The following TP63 variants were observed in gnomAD, a reference collection of about 807,000 sequenced individuals.
TP63 encodes the protein tumor protein p63, also known as tumor protein 63.
Under a neutral mutation model 82.8 loss-of-function variants are expected in TP63, and 17 were observed. That is an observed-to-expected ratio of 0.21 (90% confidence interval 0.14 to 0.31). The LOEUF (loss-of-function observed/expected upper bound fraction) is 0.31, where lower values mean the gene tolerates loss of function less well. Ranked by LOEUF, TP63 falls within the 10% of genes least tolerant of loss-of-function variation. The pLI is 1.00. For synonymous variants in TP63, 330 were observed against 321.7 expected (o/e 1.03, Z -0.28); for missense variants, 648 against 895.3 (o/e 0.72, Z 3.52).
At chr3:189,861,130 A>C (rs1419031788) in intron 4 of TP63, among the ~76,000 whole-genome samples, 1 of 148,038 alleles carries the variant, frequency 6.8e-6, no homozygotes, top group Non-Finnish European at 1.5e-5. Context: ...TTGGCCAGGC[A>C]TGTCTTGAGC....
intron 4 of TP63, among the ~76,000 whole-genome samples, chr3:189,841,156 T>A (rs1193904143): frequency 6.6e-6 from 1 of 152,154 alleles, no homozygotes; most frequent in Non-Finnish European, 1.5e-5. Context: ...GTACATATAG[T>A]ATGTGCCTTA....
chr3:189,708,055 T>G (rs1486653965), intron 1 of TP63, among the ~76,000 whole-genome samples: 2 of 152,228 alleles, frequency 1.3e-5, no homozygotes, highest in African/African-American at 2.4e-5. Flanking sequence ...CAGAGTCATC[T>G]ATGTTTTTTT....
intron 3 of TP63, among the ~76,000 whole-genome samples, chr3:189,771,404 G>A (rs1444191388): frequency 4.6e-5 from 6 of 131,534 alleles, no homozygotes; most frequent in Non-Finnish European, 7.9e-5. Flanking sequence ...AAATATATAA[G>A]TATATTAAAT....
At chr3:189,682,807 C>T (rs12489218) in intron 1 of TP63, among the ~76,000 whole-genome samples, 27,923 of 151,544 alleles carry the variant, frequency 0.18, 3,247 homozygotes, top group Non-Finnish European at 0.26. Context: ...CCTCATTGAC[C>T]CCAAACCATA....
At chr3:189,657,908 A>C (rs974757560) in intron 1 of TP63, among the ~76,000 whole-genome samples, 1 of 152,070 alleles carries the variant, frequency 6.6e-6, no homozygotes, top group Non-Finnish European at 1.5e-5. Flanking sequence ...ACTGGTACAG[A>C]AGCAAGGACA....
chr3:189,729,636 G>A (rs1720016689), intron 1 of TP63, among the ~76,000 whole-genome samples: 1 of 152,076 alleles, frequency 6.6e-6, no homozygotes, highest in Admixed American at 6.6e-5. Flanking sequence ...TTGAAGTTGT[G>A]TTTTCTGAGA....
chr3:189,824,526 C>T (rs1667479343), intron 4 of TP63, among the ~76,000 whole-genome samples: 1 of 152,142 alleles, frequency 6.6e-6, no homozygotes, highest in Admixed American at 6.5e-5. Context: ...AGCCACCGTG[C>T]CTAGCCTGGA....
chr3:189,826,723 T>C (rs1195727019), intron 4 of TP63, among the ~76,000 whole-genome samples: 1 of 152,172 alleles, frequency 6.6e-6, no homozygotes, highest in African/African-American at 2.4e-5. Context: ...AGAGGACGCA[T>C]AGCATGAGTC....
chr3:189,799,833 A>G (rs1460484282), intron 3 of TP63, among the ~76,000 whole-genome samples: 1 of 152,202 alleles, frequency 6.6e-6, no homozygotes, highest in Admixed American at 6.5e-5. Flanking sequence ...CAGTTGTATT[A>G]GAATAAAAGA....
chr3:189,630,972 A>G (rs147179109), upstream of TP63, among the ~76,000 whole-genome samples: 14 of 152,312 alleles, frequency 9.2e-5, no homozygotes, highest in South Asian at 6.2e-4. Context: ...AAGCAGCTCT[A>G]CAAAACATTT....
chr3:189,858,921 CAT>C (rs1716651872), intron 4 of TP63, among the ~76,000 whole-genome samples: 1 of 151,984 alleles, frequency 6.6e-6, no homozygotes, highest in Admixed American at 6.6e-5. Context: ...ATGTTAATCT[CAT>C]AGAAGTTGAG....
At chr3:189,894,105 TC>T in intron 13 of TP63, 100 bp from the exon 14 acceptor site, 1 of 1,424,206 alleles carries the variant, frequency 7.0e-7, no homozygotes. Context: ...TAGATTCAGA[TC>T]AATTAAACCA....
At chr3:189,869,457 T>C (rs2108810155) in intron 9 of TP63, 51 bp downstream of exon 9, 1 of 1,498,864 alleles carries the variant, frequency 6.7e-7, no homozygotes, top group Non-Finnish European at 9.3e-7. Context: ...CTTCTTTGAA[T>C]GGGCTTTTAC....
At chr3:189,633,759 C>T (rs1577147571) in intron 1 of TP63, among the ~76,000 whole-genome samples, 1 of 152,036 alleles carries the variant, frequency 6.6e-6, no homozygotes, top group South Asian at 2.1e-4. Context: ...ATGTACTTCT[C>T]ATTTGTAATG....
chr3:189,755,850 T>C (rs75624711), intron 3 of TP63, among the ~76,000 whole-genome samples: 119 of 152,294 alleles, frequency 7.8e-4, no homozygotes, highest in Non-Finnish European at 1.3e-3. Context: ...TTTAGGTGAC[T>C]GAAGGCCTGT....
rs2108637816 is a variant in TP63, at chr3:189,808,389, C to A, written c.442C>A (p.Pro148Thr). The A allele has an allele frequency of 6.2e-7, 1 of 1,614,128 alleles. No homozygotes were observed. The highest frequency in any genetic ancestry group is 8.5e-7 in the Non-Finnish European group (1 of 1,180,024). Reference protein sequence around the residue: ...HAQNSVTAPSPYAQPSSTFDA... With the variant: ...HAQNSVTAPSTYAQPSSTFDA... Reference sequence around the variant, plus strand: ...GCAGAACAGCGTCACGGCGCCCTCGCCCTACGCACAGCCCAGCTCCACCTT... The same window carrying A: ...GCAGAACAGCGTCACGGCGCCCTCGACCTACGCACAGCCCAGCTCCACCTT... The change falls in exon 4 of 14, where the codon CCC (proline) becomes ACC (threonine). Residue 148 changes from proline (P) to threonine (T), a missense_variant. This residue lies in a region of TP63 where 182 missense variants were observed against 213.6 expected (regional missense o/e 0.85). Coordinates refer to ENST00000264731, the MANE Select transcript of TP63 (RefSeq NM_003722.5).
At chr3:189,597,117 A>G in the TP63 span, among the ~76,000 whole-genome samples, 1 of 152,204 alleles carries the variant, frequency 6.6e-6, no homozygotes, top group African/African-American at 2.4e-5. Flanking sequence ...CCGCGGCTTC[A>G]TTCTTGAAGT....
At chr3:189,818,419 G>A (rs115833361) in intron 4 of TP63, among the ~76,000 whole-genome samples, 4,075 of 152,004 alleles carry the variant, frequency 0.027, 81 homozygotes, top group Middle Eastern at 0.042. Context: ...TATATGCCTT[G>A]ACATATATGT....
At chr3:189,619,924 ACTCTTGGACCT>A in the TP63 span, among the ~76,000 whole-genome samples, 1 of 151,682 alleles carries the variant, frequency 6.6e-6, no homozygotes, top group African/African-American at 2.4e-5. Context: ...TTCGTTCTCC[ACTCTTGGACCT>A]CTCTCAGGAC....
Sources: gnomAD v4.1 joint callset for allele counts (sites outside exome capture counted in the v4.1 genomes callset) on GRCh38, gnomAD v4.1.1 for gene constraint, gnomAD v4.1.1 regional missense constraint, MANE v1.5 for transcripts, NCBI Gene and HGNC (gene_info 2026-07-23, HGNC 2026-07-21) for gene names.